DNAAF9: variants seen among roughly 807,000 people sequenced by gnomAD.
The protein encoded by DNAAF9 is shulin.
Under a neutral mutation model 167.0 loss-of-function variants are expected in DNAAF9, and 90 were observed. The ratio of observed to expected loss-of-function variants is 0.54; its 90% confidence interval spans 0.45 to 0.64. The LOEUF (loss-of-function observed/expected upper bound fraction) is 0.64. DNAAF9 is among the 30% of genes least tolerant of loss of function. The pLI is 0.00. For synonymous variants in DNAAF9, 491 were observed against 508.8 expected, an observed-to-expected ratio of 0.96 and a Z score of 0.47; for missense variants, 1,315 against 1,442.2, an observed-to-expected ratio of 0.91 and a Z score of 1.43.
At chr20:3,303,822 T>C (rs2069237255) in intron 21 of DNAAF9, among the ~76,000 whole-genome samples, 2 of 152,218 alleles carry the variant, frequency 1.3e-5, no homozygotes, top group South Asian at 4.1e-4. Flanking sequence ...GGGAAACCCA[T>C]AGCTACCATC....
chr20:3,394,942 C>CTTTTTTTTTTTTTTTTTTTTTTTTTTTT (rs1258382355), intron 1 of DNAAF9, among the ~76,000 whole-genome samples: 1 of 89,016 alleles, frequency 1.1e-5, no homozygotes, highest in African/African-American at 3.9e-5. Flanking sequence ...TGAACATTTT[C>CTTTTTTTTTTTTTTTTTTTTTTTTTTTT]TTTTTTCTTT....
intron 1 of DNAAF9, among the ~76,000 whole-genome samples, chr20:3,392,585 A>T (rs570785693): frequency 3.3e-5 from 5 of 152,344 alleles, no homozygotes; most frequent in African/African-American, 9.6e-5. Context: ...TCGTGGGTAC[A>T]ATATATGTGA....
chr20:3,324,761 T>G (rs2069680554), intron 14 of DNAAF9, 131 bp downstream of exon 14: 2 of 644,602 alleles, frequency 3.1e-6, no homozygotes, highest in African/African-American at 3.6e-5. Flanking sequence ...TGAATGATTC[T>G]CCTTCACACA....
chr20:3,261,996 T>C (rs971752230), intron 31 of DNAAF9, among the ~76,000 whole-genome samples: 5 of 152,130 alleles, frequency 3.3e-5, no homozygotes, highest in African/African-American at 1.2e-4. Context: ...GCAGAGAATG[T>C]GTGCACAGCA....
chr20:3,288,491 T>C (rs1009194746), intron 26 of DNAAF9, among the ~76,000 whole-genome samples: 1 of 152,118 alleles, frequency 6.6e-6, no homozygotes, highest in Non-Finnish European at 1.5e-5. Context: ...ATTCAGAATC[T>C]TTATAGAACA....
At chr20:3,352,022 G>A (rs568078377) in intron 7 of DNAAF9, among the ~76,000 whole-genome samples, 2 of 152,080 alleles carry the variant, frequency 1.3e-5, no homozygotes, top group African/African-American at 4.8e-5. Context: ...GCCTCCCAAA[G>A]TGCTGGGATT....
At chr20:3,259,667 G>T in intron 32 of DNAAF9, 113 bp from the exon 33 acceptor site, 1 of 736,008 alleles carries the variant, frequency 1.4e-6, no homozygotes, top group Non-Finnish European at 2.4e-6. Flanking sequence ...AGGGTCTAGG[G>T]TTCACAGGTT....
chr20:3,301,615 A>T (rs541588982), intron 21 of DNAAF9, among the ~76,000 whole-genome samples: 3 of 152,348 alleles, frequency 2.0e-5, no homozygotes, highest in Admixed American at 6.5e-5. Context: ...GACATGAGCT[A>T]TTCCAGTTCT....
intron 36 of DNAAF9, among the ~76,000 whole-genome samples, chr20:3,253,210 G>A (rs1307576263): frequency 1.3e-5 from 2 of 152,248 alleles, no homozygotes; most frequent in East Asian, 1.9e-4. Flanking sequence ...AGGAGGCTGA[G>A]GTGGGAGGAT....
intron 1 of DNAAF9, among the ~76,000 whole-genome samples, chr20:3,402,094 C>G (rs2083996133): frequency 6.6e-6 from 1 of 152,108 alleles, no homozygotes; most frequent in South Asian, 2.1e-4. Flanking sequence ...GTGCAGAATT[C>G]TGGGTGGGAA....
intron 20 of DNAAF9, among the ~76,000 whole-genome samples, chr20:3,305,132 C>T (rs2069267843): frequency 6.6e-6 from 1 of 152,168 alleles, no homozygotes; most frequent in Non-Finnish European, 1.5e-5. Flanking sequence ...ATGTGGGTTC[C>T]TCGGAACAAG....
At chr20:3,343,874 C>T (rs6051767) in intron 8 of DNAAF9, 143 bp from the exon 9 acceptor site, 147,645 of 527,970 alleles carry the variant, frequency 0.28, 21,502 homozygotes, top group African/African-American at 0.4. Context: ...TGTGCATGTG[C>T]GTGTGTGTGA....
At chr20:3,310,101 G>C (rs921695935) in intron 20 of DNAAF9, among the ~76,000 whole-genome samples, 1 of 150,770 alleles carries the variant, frequency 6.6e-6, no homozygotes, top group Non-Finnish European at 1.5e-5. Flanking sequence ...CTGAGGCAGG[G>C]GAATCGCTTA....
chr20:3,257,300 C>T (rs929380026), intron 33 of DNAAF9, among the ~76,000 whole-genome samples: 2 of 151,100 alleles, frequency 1.3e-5, no homozygotes, highest in African/African-American at 4.9e-5. Context: ...CACTTGAGCC[C>T]GGGAATTCGA....
intron 1 of DNAAF9, among the ~76,000 whole-genome samples, chr20:3,404,069 G>A (rs2084023543): frequency 6.6e-6 from 1 of 152,128 alleles, no homozygotes; most frequent in Admixed American, 6.5e-5. Flanking sequence ...CACTCTTGTT[G>A]CCCACACTGG....
chr20:3,369,664 A>G (rs949435719), intron 6 of DNAAF9, among the ~76,000 whole-genome samples: 1 of 152,204 alleles, frequency 6.6e-6, no homozygotes, highest in African/African-American at 2.4e-5. Context: ...GGTGTGAGCC[A>G]CCAAGCCCGG....
intron 27 of DNAAF9, among the ~76,000 whole-genome samples, chr20:3,284,543 T>C (rs1218461376): frequency 1.8e-5 from 2 of 112,840 alleles, no homozygotes; most frequent in South Asian, 2.6e-4. Context: ...GGCAAAAAAC[T>C]GTCTCTTCAC....
chr20:3,287,704 G>A lies in DNAAF9; in HGVS notation c.2414C>T (p.Ala805Val). 6.2e-7 allele frequency: 1 copy of A among 1,614,212 alleles called. No homozygotes were observed. The highest frequency in any genetic ancestry group is 8.5e-7 in the Non-Finnish European group (1 of 1,180,010). Residue 805 changes from alanine to valine, a missense_variant, in exon 27 of 37, where the codon GCC (alanine) becomes GTC (valine). Transcript: ENST00000252032. ...CTGGCGCGCAGAGCGGTTCTGCTGG[G>A]CCTCTAGGGCACTGGAAAGGTATCT... The part of the protein sequence containing the change: ...FQRYLSSALE[A>V]QQNRSARQSA...
intron 12 of DNAAF9, among the ~76,000 whole-genome samples, chr20:3,327,538 C>T (rs1600792137): frequency 6.6e-6 from 1 of 152,094 alleles, no homozygotes; most frequent in African/African-American, 2.4e-5. Flanking sequence ...AAGGTCTCAC[C>T]TAAAAATGTG....
Sources: allele counts gnomAD v4.1 joint callset (sites outside exome capture counted in the v4.1 genomes callset), GRCh38; gene constraint gnomAD v4.1.1; transcripts MANE v1.5; gene names NCBI Gene and HGNC (gene_info 2026-07-23, HGNC 2026-07-21).